Variants in AFG2A observed in about 807,000 individuals in gnomAD.
AFG2A encodes the protein AAA ATPase AFG2A.
the AFG2A span, among the ~76,000 whole-genome samples, chr4:122,997,399 C>T: frequency 6.6e-6 from 1 of 152,256 alleles, no homozygotes; most frequent in South Asian, 2.1e-4. Context: ...AAATATGTGG[C>T]TCTTTGTGAC....
chr4:123,225,568 A>G, the AFG2A span, among the ~76,000 whole-genome samples: 1 of 152,102 alleles, frequency 6.6e-6, no homozygotes, highest in Non-Finnish European at 1.5e-5. Context: ...CCATTGGTCT[A>G]TATCTCTGTT....
the AFG2A span, among the ~76,000 whole-genome samples, chr4:122,932,038 G>A: frequency 6.6e-6 from 1 of 152,100 alleles, no homozygotes; most frequent in South Asian, 2.1e-4. Flanking sequence ...AGGCTGAGGT[G>A]GGTGGATCGC....
the AFG2A span, among the ~76,000 whole-genome samples, chr4:123,145,307 C>T: frequency 2.0e-5 from 3 of 151,540 alleles, no homozygotes; most frequent in Non-Finnish European, 4.4e-5. Context: ...ACAGATACAT[C>T]AGGGAAGAGG....
At chr4:123,036,584 G>C in the AFG2A span, among the ~76,000 whole-genome samples, 1 of 152,088 alleles carries the variant, frequency 6.6e-6, no homozygotes, top group Non-Finnish European at 1.5e-5. Context: ...AGGAGACTGA[G>C]AGTGACAAAA....
the AFG2A span, among the ~76,000 whole-genome samples, chr4:122,978,964 A>T: frequency 2.0e-5 from 3 of 152,128 alleles, no homozygotes; most frequent in Non-Finnish European, 4.4e-5. Flanking sequence ...TCGAGAGTGG[A>T]GGGATACCTG....
chr4:123,091,428 C>T, the AFG2A span, among the ~76,000 whole-genome samples: 1 of 152,182 alleles, frequency 6.6e-6, no homozygotes, highest in East Asian at 1.9e-4. Context: ...TTACTTTTAG[C>T]ATATTTCTCT....
At chr4:122,954,196 G>T in the AFG2A span, among the ~76,000 whole-genome samples, 1 of 152,142 alleles carries the variant, frequency 6.6e-6, no homozygotes, top group African/African-American at 2.4e-5. Context: ...CTGCCTCAGG[G>T]CTGGGTGGCA....
the AFG2A span, chr4:123,057,285 G>A: frequency 8.7e-6 from 14 of 1,613,406 alleles, no homozygotes; most frequent in Non-Finnish European, 1.2e-5. Flanking sequence ...GTTGAAAGGG[G>A]CAGGTAAGAA....
chr4:122,984,408 GT>G, the AFG2A span, among the ~76,000 whole-genome samples: 3 of 152,120 alleles, frequency 2.0e-5, no homozygotes, highest in Non-Finnish European at 4.4e-5. Context: ...AGCAGTGACA[GT>G]TTTTCCTCTT....
the AFG2A span, among the ~76,000 whole-genome samples, chr4:122,939,490 C>T: frequency 6.6e-6 from 1 of 152,042 alleles, no homozygotes; most frequent in South Asian, 2.1e-4. Flanking sequence ...CTCCTGACAT[C>T]CATTAATTAG....
the AFG2A span, among the ~76,000 whole-genome samples, chr4:123,203,403 A>T: frequency 6.6e-6 from 1 of 151,980 alleles, no homozygotes; most frequent in Non-Finnish European, 1.5e-5. Flanking sequence ...GCTCACTGCA[A>T]CCTCCGCCTC....
the AFG2A span, among the ~76,000 whole-genome samples, chr4:123,228,195 A>T: frequency 6.6e-6 from 1 of 152,132 alleles, no homozygotes; most frequent in South Asian, 2.1e-4. Flanking sequence ...CGTGTATTTT[A>T]ATTGGAGCAT....
the AFG2A span, among the ~76,000 whole-genome samples, chr4:123,297,246 A>G: frequency 6.6e-6 from 1 of 152,254 alleles, no homozygotes; most frequent in African/African-American, 2.4e-5. Flanking sequence ...TACTGGAATC[A>G]TCATTCAAAA....
At chr4:123,257,122 TA>T in the AFG2A span, among the ~76,000 whole-genome samples, 1 of 152,220 alleles carries the variant, frequency 6.6e-6, no homozygotes. Context: ...GACAGATCAT[TA>T]GTGGTACTCC....
the AFG2A span, among the ~76,000 whole-genome samples, chr4:123,193,249 A>T: frequency 1.3e-5 from 2 of 152,208 alleles, no homozygotes; most frequent in African/African-American, 4.8e-5. Context: ...GCACGTACAC[A>T]TTAGCATCCA....
At chr4:122,965,897 A>G in the AFG2A span, among the ~76,000 whole-genome samples, 1 of 152,188 alleles carries the variant, frequency 6.6e-6, no homozygotes, top group African/African-American at 2.4e-5. Flanking sequence ...TAGAATTTTA[A>G]GTTATTTAAA....
the AFG2A span, among the ~76,000 whole-genome samples, chr4:123,196,677 T>G: frequency 3.7e-4 from 56 of 152,262 alleles, no homozygotes; most frequent in East Asian, 6.4e-3. Flanking sequence ...GGTATAGAGA[T>G]TGGATGAGGG....
the AFG2A span, among the ~76,000 whole-genome samples, chr4:123,137,438 T>C: frequency 6.6e-6 from 1 of 152,228 alleles, no homozygotes; most frequent in Non-Finnish European, 1.5e-5. Context: ...TGCATTCACA[T>C]TTATCAATTG....
At chr4:123,194,584 G>A in the AFG2A span, among the ~76,000 whole-genome samples, 2 of 152,110 alleles carry the variant, frequency 1.3e-5, no homozygotes. Context: ...TGAGTTACAT[G>A]AAATGATATG....
Sources: gnomAD v4.1 joint callset for allele counts (sites outside exome capture counted in the v4.1 genomes callset) on GRCh38, gnomAD v4.1.1 for gene constraint, MANE v1.5 for transcripts, NCBI Gene and HGNC (gene_info 2026-07-23, HGNC 2026-07-21) for gene names.